BABAM2: variants seen among roughly 807,000 people sequenced by gnomAD.
The protein encoded by BABAM2 is BRISC and BRCA1 A complex member 2.
BABAM2 carries 31 observed loss-of-function variants against 54.7 expected under a neutral mutation model. The ratio of observed to expected loss-of-function variants is 0.57; its 90% CI spans 0.43 to 0.77. BABAM2 has a LOEUF of 0.77. BABAM2 is among the 30% of genes least tolerant of loss of function. BABAM2 has a pLI of 0.00. For missense variants in BABAM2, 364 were observed against 455.8 expected (o/e 0.80, Z 1.83); for synonymous variants, 167 against 162.9 (o/e 1.03, Z -0.19).
At chr2:28,229,415 C>T (rs565463370) in intron 7 of BABAM2, among the ~76,000 whole-genome samples, 2 of 152,268 alleles carry the variant, frequency 1.3e-5, no homozygotes, top group South Asian at 2.1e-4. Context: ...TAATACAGGA[C>T]ATGATGCATT....
intron 7 of BABAM2, among the ~76,000 whole-genome samples, chr2:28,197,337 T>G (rs1677709490): frequency 6.6e-6 from 1 of 152,216 alleles, no homozygotes; most frequent in Admixed American, 6.5e-5. Flanking sequence ...TATTTGTAAA[T>G]GTGCAGCTAA....
rs1180889388 is a variant in BABAM2 at position 28,329,154 on chromosome 2, G to A, written c.1089-9296G>A. On this transcript the variant is annotated intron_variant, in intron 11 of 11. Transcript: ENST00000379624. The surrounding 1 kb of genome is among the most constrained non-coding windows in gnomAD (Gnocchi z 4.2). ...CCCTTCTCTAGAACCCAACCATTAT[G>A]TCATTTTCCAGGCATTACCCCTGAT... 6.6e-6 allele frequency among the ~76,000 whole-genome samples: 1 copy of A among 152,120 alleles called. No homozygotes were observed. The highest frequency in any genetic ancestry group is 6.6e-5 in the Admixed American group (1 of 15,262).
intron 7 of BABAM2, among the ~76,000 whole-genome samples, chr2:28,231,927 G>A (rs1266780957): frequency 6.7e-6 from 1 of 150,228 alleles, no homozygotes; most frequent in Non-Finnish European, 1.5e-5. Context: ...CTTGCCTCAG[G>A]CTCCTGAGTA....
rs1682254092 is a variant in BABAM2 at position 28,239,879 on chromosome 2, G to A, written c.781-1444G>A. Among the ~76,000 whole-genome samples the A allele has an allele frequency of 3.3e-5, 5 of 152,176 alleles. No individual in the cohort carries two copies. The South Asian group carries it at 1.0e-3, about 32-fold the overall frequency. ...GTATGTCCATAGACTATTCACTGTG[G>A]CAGAGGGAGCATTCCCTTCCATTGG... On this transcript the variant is annotated intron_variant, in intron 8 of 11. Transcript: ENST00000379624.
intron 11 of BABAM2, among the ~76,000 whole-genome samples, chr2:28,300,254 A>G (rs998212742): frequency 3.3e-5 from 5 of 152,196 alleles, no homozygotes; most frequent in African/African-American, 9.7e-5. Context: ...TTCTTAAATA[A>G]TGTCAGGGTG....
chr2:28,315,807 T>C (rs2148294103), intron 11 of BABAM2, among the ~76,000 whole-genome samples: 1 of 152,206 alleles, frequency 6.6e-6, no homozygotes, highest in East Asian at 1.9e-4. Flanking sequence ...TTTTTGTCAG[T>C]TTACAAATTA....
intron 11 of BABAM2, among the ~76,000 whole-genome samples, chr2:28,318,226 C>T (rs1373854125): frequency 1.3e-5 from 2 of 152,198 alleles, no homozygotes; most frequent in Non-Finnish European, 2.9e-5. Context: ...CTCATCTCTT[C>T]TCCTCTGTAC....
chr2:28,013,222 T>C, intron 4 of BABAM2: 1 of 372,234 alleles, frequency 2.7e-6, no homozygotes, highest in Non-Finnish European at 5.4e-6. Context: ...ACTAGACATG[T>C]GAAGTATGCC....
intron 7 of BABAM2, among the ~76,000 whole-genome samples, chr2:28,140,161 A>G (rs374600383): frequency 5.3e-5 from 8 of 152,036 alleles, no homozygotes; most frequent in South Asian, 2.1e-4. Context: ...TCTTTGTACT[A>G]TCTTGAAGTC....
intron 7 of BABAM2, among the ~76,000 whole-genome samples, chr2:28,166,850 T>C (rs1673732327): frequency 6.6e-6 from 1 of 152,168 alleles, no homozygotes. Context: ...CTTGCTTCCA[T>C]CTCCCCTTTC....
In BABAM2 at chr2:28,276,213, T is replaced by C. The variant is rs900549198; in HGVS notation, c.935-22125T>C. On this transcript the variant is annotated intron_variant, in intron 10 of 11. Coordinates refer to ENST00000379624, the MANE Select transcript of BABAM2 (RefSeq NM_199191.3). ...AAGAGATGGTAAAAGGCTAGATCGCTCATTATAGTTTACAGAGCTCATGAA... is the reference window on the plus strand; with the variant it reads ...AAGAGATGGTAAAAGGCTAGATCGCCCATTATAGTTTACAGAGCTCATGAA... 3.9e-5 allele frequency among the ~76,000 whole-genome samples: 6 copies of C among 152,176 alleles called. No individual in the cohort carries two copies. In the South Asian group the frequency reaches 1.2e-3, roughly 32 times the overall value.
At chr2:28,200,303 G>A (rs143305001) in intron 7 of BABAM2, among the ~76,000 whole-genome samples, 168 of 152,310 alleles carry the variant, frequency 1.1e-3, no homozygotes, top group African/African-American at 3.5e-3. Flanking sequence ...GAGTCCAAGT[G>A]TCTCTCCATA....
chr2:28,120,020 T>C (rs188787498), intron 6 of BABAM2, among the ~76,000 whole-genome samples: 81 of 152,334 alleles, frequency 5.3e-4, no homozygotes, highest in Non-Finnish European at 8.8e-4. Context: ...ATTGATGTCC[T>C]CAGAGAAGCC....
At chr2:28,229,357 C>G (rs1192896070) in intron 7 of BABAM2, among the ~76,000 whole-genome samples, 1 of 152,126 alleles carries the variant, frequency 6.6e-6, no homozygotes, top group Admixed American at 6.5e-5. Context: ...TAACACTTCT[C>G]TCATAGGTTG....
chr2:28,258,074 G>A (rs1046257352), intron 10 of BABAM2, among the ~76,000 whole-genome samples: 2 of 152,152 alleles, frequency 1.3e-5, no homozygotes, highest in African/African-American at 4.8e-5. Context: ...CTACTTGGGA[G>A]GCTGAGGCAG....
intron 5 of BABAM2, among the ~76,000 whole-genome samples, chr2:28,035,034 C>T (rs548573323): frequency 6.3e-4 from 96 of 151,920 alleles, no homozygotes; most frequent in African/African-American, 2.1e-3. Context: ...GATGTGTGCA[C>T]GTGGGAAATA....
At chr2:27,958,562 ATATATATG>A (rs1670255994) in intron 3 of BABAM2, among the ~76,000 whole-genome samples, 1 of 150,588 alleles carries the variant, frequency 6.6e-6, no homozygotes, top group Admixed American at 6.6e-5. Flanking sequence ...ATACACACAC[ATATATATG>A]TATATATGTA....
chr2:28,184,940 T>G (rs762139264), intron 7 of BABAM2, among the ~76,000 whole-genome samples: 8 of 152,238 alleles, frequency 5.3e-5, no homozygotes, highest in Non-Finnish European at 8.8e-5. Flanking sequence ...AGACTTTATC[T>G]TGATAATTTT....
chr2:28,284,484 A>T (rs1454163563), intron 10 of BABAM2, among the ~76,000 whole-genome samples: 1 of 152,148 alleles, frequency 6.6e-6, no homozygotes. Flanking sequence ...AATGGAGAGA[A>T]TATTGCATGA....
Sources: gnomAD v4.1 joint callset for allele counts (sites outside exome capture counted in the v4.1 genomes callset) on GRCh38, gnomAD v4.1.1 for gene constraint, Gnocchi (gnomAD v3.1) non-coding constraint, MANE v1.5 for transcripts, NCBI Gene and HGNC (gene_info 2026-07-23, HGNC 2026-07-21) for gene names.